Variants in PCDHGA5 observed in about 807,000 individuals in gnomAD.
PCDHGA5 encodes the protein protocadherin gamma subfamily A, 5, also known as protocadherin gamma-A5.
In PCDHGA5, 36 loss-of-function variants were observed where a neutral mutation model predicts 56.7. The ratio of observed to expected loss-of-function variants is 0.64; its 90% confidence interval spans 0.49 to 0.84. The LOEUF (loss-of-function observed/expected upper bound fraction) is 0.84. Ranked by LOEUF, PCDHGA5 falls within the 40% of genes least tolerant of loss-of-function variation. The pLI, the probability that PCDHGA5 is intolerant of heterozygous loss-of-function variation, is 0.00. For synonymous variants in PCDHGA5, 563 were observed against 520.2 expected (o/e 1.08, Z -1.12); for missense variants, 1,305 against 1,201.5 (o/e 1.09, Z -1.27).
intron 2 of PCDHGA5, among the ~76,000 whole-genome samples, chr5:141,499,256 A>G (rs371266271): frequency 6.6e-6 from 1 of 151,968 alleles, no homozygotes; most frequent in Non-Finnish European, 1.5e-5. Context: ...AAGAGTCTCC[A>G]TTTGGTCCCT....
At chr5:141,414,678 G>A (rs1276367800) in intron 1 of PCDHGA5, 14 of 1,613,856 alleles carry the variant, frequency 8.7e-6, no homozygotes, top group African/African-American at 1.3e-5. Context: ...ACACCATCCA[G>A]GGGGTACCTC....
At position 141,489,436 on chromosome 5, in the gene PCDHGA5, T is replaced by C. The variant is rs1002519; in HGVS notation, c.2422-5371T>C. 0.23 allele frequency: 369,130 copies of C among 1,613,832 alleles called. 44,340 individuals are homozygous for C. The highest frequency in any genetic ancestry group is 0.38 in the Admixed American group (23,024 of 60,000). On this transcript the variant is annotated intron_variant, in intron 1 of 3. Transcript: ENST00000518069. The surrounding 1 kb of genome is among the most constrained non-coding windows in gnomAD (Gnocchi z 4.5). ...AGATCTGTTGAGCCGGCGGCTGCAATTGGGCTCTGAGGAGAATGGGCGCTA... is the reference window on the plus strand; with the variant it reads ...AGATCTGTTGAGCCGGCGGCTGCAACTGGGCTCTGAGGAGAATGGGCGCTA...
chr5:141,427,304 C>T, intron 1 of PCDHGA5: 1 of 456,910 alleles, frequency 2.2e-6, no homozygotes, highest in Non-Finnish European at 4.4e-6. Flanking sequence ...ATGAGAATGA[C>T]AATGCCCCAG....
chr5:141,450,991 AT>A (rs1351194705), intron 1 of PCDHGA5, among the ~76,000 whole-genome samples: 2 of 150,700 alleles, frequency 1.3e-5, no homozygotes, highest in Non-Finnish European at 1.5e-5. Context: ...CACCCGGCTA[AT>A]TTTTTTGTAT....
chr5:141,500,144 C>T (rs2099796717), intron 2 of PCDHGA5, among the ~76,000 whole-genome samples: 1 of 151,426 alleles, frequency 6.6e-6, no homozygotes, highest in South Asian at 2.1e-4. Context: ...CTAAACTTTT[C>T]TTTGTGTAAT....
intron 1 of PCDHGA5, among the ~76,000 whole-genome samples, chr5:141,401,848 T>C (rs1476670200): frequency 6.6e-6 from 1 of 152,230 alleles, no homozygotes; most frequent in Non-Finnish European, 1.5e-5. Flanking sequence ...TACCACTTAC[T>C]TTTAACCTTT....
intron 1 of PCDHGA5, chr5:141,370,553 C>G: frequency 6.2e-7 from 1 of 1,613,810 alleles, no homozygotes; most frequent in Non-Finnish European, 8.5e-7. Context: ...TCGCCAAGGA[C>G]CTGGGGTTTG....
intron 1 of PCDHGA5, chr5:141,422,357 C>T: frequency 6.4e-7 from 1 of 1,557,656 alleles, no homozygotes; most frequent in South Asian, 1.3e-5. Context: ...GATCAAGATT[C>T]TGGAGAAAAT....
In PCDHGA5 at chr5:141,399,918, C is replaced by T. The variant is rs1163309827; in HGVS notation, c.2421+33167C>T. On this transcript the variant is annotated intron_variant, in intron 1 of 3. Coordinates refer to ENST00000518069, the MANE Select transcript of PCDHGA5 (RefSeq NM_018918.3). ...CCGTGGACGCAGACTCAGGACACAA[C>T]GCCTGGCTGTCCTACCACGTGCTGC... The T allele has an allele frequency of 4.3e-6, 7 of 1,612,240 alleles. No individual in the cohort carries two copies. In the East Asian group the frequency reaches 8.9e-5, roughly 21 times the overall value.
Position 141,486,929 on chromosome 5 carries a change from G to A in PCDHGA5, c.2422-7878G>A. 2.5e-6 allele frequency: 4 copies of A among 1,614,226 alleles called. No individual in the cohort carries two copies. Among genetic ancestry groups the A allele is most frequent in the Non-Finnish European group, 2.5e-6 (3 of 1,180,038 alleles). ...CCAAGCACTGCCTCCATCAGTTGGT[G>A]CTGGCCACCTAATCACAAAGGTGAC... On this transcript the variant is annotated intron_variant, in intron 1 of 3. Transcript: ENST00000518069. This position sits in a 1 kb window ranked among gnomAD's most constrained non-coding sequence, Gnocchi z 5.0.
rs753050855 is a variant in PCDHGA5 at position 141,375,684 on chromosome 5, C to T, written c.2421+8933C>T. 4 of 1,614,272 alleles carry T rather than the reference C, an allele frequency of 2.5e-6. No individual in the cohort carries two copies. In the South Asian group the frequency reaches 4.4e-5, roughly 18 times the overall value. On this transcript the variant is annotated intron_variant, in intron 1 of 3. Coordinates refer to ENST00000518069, the MANE Select transcript of PCDHGA5 (RefSeq NM_018918.3). The stretch of plus-strand genomic sequence containing the variant: ...AGAGACCTACAGCTGTGGGTGACAG[C>T]CAGCGACAGCGGGGACCCGCCTCTT...
chr5:141,372,514 T>C lies in PCDHGA5; in HGVS notation c.2421+5763T>C. ...ATCTCAGTGCTCTTCCTCCTCGCGG[T>C]GATTCTGGCAATCTCCCTGCGCCTG... On this transcript the variant is annotated intron_variant, in intron 1 of 3. Coordinates refer to ENST00000518069, the MANE Select transcript of PCDHGA5 (RefSeq NM_018918.3). 5 of 1,614,028 alleles carry C rather than the reference T, an allele frequency of 3.1e-6. No individual in the cohort carries two copies. The South Asian group carries it at 4.4e-5, about 14-fold the overall frequency.
At chr5:141,387,610 T>A in intron 1 of PCDHGA5, 2 of 558,176 alleles carry the variant, frequency 3.6e-6, no homozygotes, top group East Asian at 3.0e-5. Flanking sequence ...AGGCTGTAGT[T>A]TCCTAGTGCT....
intron 2 of PCDHGA5, among the ~76,000 whole-genome samples, chr5:141,496,125 T>C (rs1318749514): frequency 6.8e-6 from 1 of 146,032 alleles, no homozygotes; most frequent in Non-Finnish European, 1.5e-5. Context: ...TCCCTGCCCC[T>C]CACACACTGA....
rs1471863168 is a variant in PCDHGA5, at chr5:141,476,550, G to A, written c.2422-18257G>A. ...ACCCAGGAAATGAAATTGGAGATTA[G>A]CGAGGCCGTGGCTCCGGGGACGCGC... On this transcript the variant is annotated intron_variant, in intron 1 of 3. Transcript: ENST00000518069. The surrounding 1 kb of genome is among the most constrained non-coding windows in gnomAD (Gnocchi z 7.6). 1.2e-6 allele frequency: 2 copies of A among 1,614,110 alleles called. No individual in the cohort carries two copies. The highest frequency in any genetic ancestry group is 4.5e-5 in the East Asian group (2 of 44,884).
chr5:141,411,544 AC>A (rs2095497010), intron 1 of PCDHGA5: 1 of 152,298 alleles, frequency 6.6e-6, no homozygotes. Context: ...TGATCTTGCC[AC>A]TGCACTCCAG....
chr5:141,373,195 T>C (rs1018941457), intron 1 of PCDHGA5, among the ~76,000 whole-genome samples: 1 of 152,262 alleles, frequency 6.6e-6, no homozygotes, highest in African/African-American at 2.4e-5. Context: ...ACATTATGTA[T>C]ATCTTAACAC....
chr5:141,421,220 A>G (rs1178268746), intron 1 of PCDHGA5: 2 of 1,575,620 alleles, frequency 1.3e-6, no homozygotes, highest in Non-Finnish European at 1.7e-6. Flanking sequence ...ATCGGCTTAG[A>G]GCCTGCCATG....
chr5:141,415,123 G>A (rs1349224471), intron 1 of PCDHGA5: 3 of 1,613,540 alleles, frequency 1.9e-6, no homozygotes, highest in African/African-American at 1.3e-5. Context: ...CGTAGTGGCC[G>A]TCCAGGACCA....
Sources: allele counts gnomAD v4.1 joint callset (sites outside exome capture counted in the v4.1 genomes callset), GRCh38; gene constraint gnomAD v4.1.1; non-coding constraint Gnocchi (gnomAD v3.1); transcripts MANE v1.5; gene names NCBI Gene and HGNC (gene_info 2026-07-23, HGNC 2026-07-21).